The following ZNF578 variants were observed in gnomAD, a reference collection of about 807,000 sequenced individuals.
The protein encoded by ZNF578 is Putative chemokine-related protein B42.
In ZNF578, 8 loss-of-function variants were observed where a neutral mutation model predicts 8.3. The observed-to-expected ratio is 0.96, with a 90% CI of 0.56 to 1.74. ZNF578 has a LOEUF of 1.74. ZNF578 is among the 40% of genes most tolerant of loss of function. The probability of loss-of-function intolerance (pLI) is 0.00; values close to 1 mark genes in which losing one functional copy is unlikely to be tolerated. For missense variants in ZNF578, 726 were observed against 707.5 expected (o/e 1.03, Z -0.30); for synonymous variants, 206 against 232.2 (o/e 0.89, Z 1.03).
Position 52,511,207 on chromosome 19 carries a change from C to T in ZNF578, c.826C>T (p.Arg276Cys), listed in dbSNP as rs529145737. The T allele has an allele frequency of 2.0e-5, 32 of 1,614,190 alleles. 1 individual carries two copies. Among genetic ancestry groups the T allele is most frequent in the South Asian group, 1.4e-4 (13 of 91,084 alleles). Reference sequence around the variant, plus strand: ...CTTTAATGAGAAGCGATACCTTGCACGCCATCGTAGATGTCACACTAGTGA... The same window carrying T: ...CTTTAATGAGAAGCGATACCTTGCATGCCATCGTAGATGTCACACTAGTGA... The part of the protein sequence containing the change: ...KVFNEKRYLA[R>C]HRRCHTSEKP... Residue 276 changes from arginine (R) to cysteine (C), a missense_variant, in exon 6 of 6, where the codon CGC becomes TGC. Arg to Cys is a radical substitution (Grantham distance 180). Coordinates refer to ENST00000421239, the MANE Select transcript of ZNF578 (RefSeq NM_001099694.2).
intron 2 of ZNF578, among the ~76,000 whole-genome samples, chr19:52,480,186 G>A (rs531095730): frequency 5.6e-4 from 85 of 152,278 alleles, no homozygotes; most frequent in African/African-American, 1.9e-3. Context: ...GATTACAGGC[G>A]TGAGCCACCG....
rs1328518624 is a variant in ZNF578 at position 52,515,580 on chromosome 19, T to C, written c.*3426T>C. On this transcript the variant is annotated 3_prime_UTR_variant, in exon 6 of 6. Coordinates refer to ENST00000421239, the MANE Select transcript of ZNF578 (RefSeq NM_001099694.2). Reference sequence around the variant, plus strand: ...ACACCTTCTCACTCATCTCAGACCTTCTCAGGGTAACTTGGTGAAAATGTC... The same window carrying C: ...ACACCTTCTCACTCATCTCAGACCTCCTCAGGGTAACTTGGTGAAAATGTC... Among the ~76,000 whole-genome samples the C allele has an allele frequency of 1.3e-5, 2 of 152,014 alleles. No individual in the cohort carries two copies. Among genetic ancestry groups the C allele is most frequent in the East Asian group, 3.9e-4 (2 of 5,166 alleles).
chr19:52,476,946 C>A (rs1200880879), intron 2 of ZNF578, among the ~76,000 whole-genome samples: 1 of 152,174 alleles, frequency 6.6e-6, no homozygotes. Flanking sequence ...GCTCCCAAAC[C>A]CTTTGTTCCC....
chr19:52,489,503 G>T (rs2122873915), intron 2 of ZNF578, among the ~76,000 whole-genome samples: 1 of 151,946 alleles, frequency 6.6e-6, no homozygotes, highest in Admixed American at 6.6e-5. Context: ...CAGGCTAATT[G>T]CTTGAACCTG....
rs1568468077 is a variant in ZNF578 at position 52,511,224 on chromosome 19, C to T, written c.843C>T (p.His281=). The change falls in exon 6 of 6, where the codon CAC becomes CAT. Residue 281 remains histidine (H), a synonymous_variant. Coordinates refer to ENST00000421239, the MANE Select transcript of ZNF578 (RefSeq NM_001099694.2). Reference sequence around the variant, plus strand: ...ACCTTGCACGCCATCGTAGATGTCACACTAGTGAGAAACCTTACAAGTGTA... The same window carrying T: ...ACCTTGCACGCCATCGTAGATGTCATACTAGTGAGAAACCTTACAAGTGTA... ...KRYLARHRRC[H]TSEKPYKCNE... 6.2e-7 allele frequency: 1 copy of T among 1,614,190 alleles called. No individual in the cohort carries two copies. Among genetic ancestry groups the T allele is most frequent in the Admixed American group, 1.7e-5 (1 of 60,016 alleles).
chr19:52,506,913 G>T (rs2059427545), intron 5 of ZNF578, among the ~76,000 whole-genome samples: 1 of 152,210 alleles, frequency 6.6e-6, no homozygotes, highest in Admixed American at 6.5e-5. Context: ...TGTTGATGAT[G>T]AGATGCCCCT....
intron 1 of ZNF578, chr19:52,453,920 C>T (rs1295224845): frequency 6.6e-6 from 1 of 152,296 alleles, no homozygotes; most frequent in African/African-American, 2.4e-5. Flanking sequence ...GTGGGTCCTC[C>T]AAGCCTCGCC....
In ZNF578 at chr19:52,511,074, C is replaced by T; in HGVS notation, c.693C>T (p.Phe231=). Residue 231 remains phenylalanine, a synonymous_variant, in exon 6 of 6, where the codon TTC becomes TTT. Coordinates refer to ENST00000421239, the MANE Select transcript of ZNF578 (RefSeq NM_001099694.2). The part of the protein sequence containing the change: ...KQEVHMREKS[F]QCNETGEAFN... ...AAGTACACATGAGAGAAAAATCTTT[C>T]CAATGTAATGAGACTGGCGAAGCCT... 3.7e-6 allele frequency: 6 copies of T among 1,614,176 alleles called. No homozygotes were observed. Among genetic ancestry groups the T allele is most frequent in the Non-Finnish European group, 5.1e-6 (6 of 1,180,030 alleles).
Position 52,512,450 on chromosome 19 carries a change from T to G in ZNF578, c.*296T>G. ...TCCGAGTGTAATAAATGTGGCAAAT[T>G]TTTCAGACATCGTTCATACCTTGCA... On this transcript the variant is annotated 3_prime_UTR_variant, in exon 6 of 6. Coordinates refer to ENST00000421239, the MANE Select transcript of ZNF578 (RefSeq NM_001099694.2). The G allele has an allele frequency of 7.3e-7, 1 of 1,372,930 alleles. No homozygotes were observed. Among genetic ancestry groups the G allele is most frequent in the Non-Finnish European group, 1.0e-6 (1 of 972,722 alleles). 85.0% of individuals were successfully genotyped at this position (1,372,930 alleles called of 1,614,324 possible).
At chr19:52,480,609 AATT>A (rs1599893096) in intron 2 of ZNF578, among the ~76,000 whole-genome samples, 1 of 124,088 alleles carries the variant, frequency 8.1e-6, no homozygotes, top group Admixed American at 7.9e-5. Flanking sequence ...AAAAAAAAAA[AATT>A]TTTGGCCGGG....
chr19:52,486,836 A>G (rs2059347480), intron 2 of ZNF578, among the ~76,000 whole-genome samples: 1 of 152,042 alleles, frequency 6.6e-6, no homozygotes, highest in Non-Finnish European at 1.5e-5. Context: ...AGAAGGAGCA[A>G]TAAGAGGTTA....
chr19:52,458,468 T>TCATATATATATA (rs139009068), intron 2 of ZNF578: 1 of 121,752 alleles, frequency 8.2e-6, no homozygotes, highest in South Asian at 2.4e-4. Flanking sequence ...GCTACTATGT[T>TCATATATATATA]TATATATATA....
At chr19:52,458,347 T>C (rs1188843693) in intron 2 of ZNF578, 1 of 151,434 alleles carries the variant, frequency 6.6e-6, no homozygotes, top group Non-Finnish European at 1.5e-5. Flanking sequence ...ATGGGGCATT[T>C]CCTATTTTCT....
intron 2 of ZNF578, chr19:52,457,225 C>T (rs2059242332): frequency 1.3e-5 from 2 of 152,130 alleles, no homozygotes; most frequent in Admixed American, 6.5e-5. Context: ...CCACCCTGTA[C>T]CCTGGGGGGA....
chr19:52,496,475 G>T (rs1004537852), intron 3 of ZNF578, among the ~76,000 whole-genome samples: 4 of 143,432 alleles, frequency 2.8e-5, no homozygotes, highest in African/African-American at 1.0e-4. Context: ...GACTACATGC[G>T]CCCGCCACCG....
Position 52,510,713 on chromosome 19 carries a change from A to G in ZNF578, c.332A>G (p.His111Arg), listed in dbSNP as rs754083032. The G allele has an allele frequency of 6.2e-7, 1 of 1,612,906 alleles. No individual in the cohort carries two copies. The highest frequency in any genetic ancestry group is 1.1e-5 in the South Asian group (1 of 90,852). ...FCFQEIEKDI[H>R]DFEFQSQKDE... ...TTCCAGGAAATTGAAAAAGATATTCATGACTTTGAGTTTCAGTCACAAAAA... is the reference window on the plus strand; with the variant it reads ...TTCCAGGAAATTGAAAAAGATATTCGTGACTTTGAGTTTCAGTCACAAAAA... Residue 111 changes from histidine (H) to arginine (R), a missense_variant, in exon 6 of 6, where the codon CAT becomes CGT. Physicochemically the swap from His to Arg is conservative, Grantham distance 29. Transcript: ENST00000421239.
rs139183421 is a variant in ZNF578, at chr19:52,510,254, C to T, written c.191-318C>T. 7.2e-5 allele frequency among the ~76,000 whole-genome samples: 11 copies of T among 151,762 alleles called. 1 individual carries two copies. In the East Asian group the frequency reaches 2.1e-3, roughly 29 times the overall value. ...TATATTTTTCTCTTCCTTGATGTGACAGTGATATGTTTTTTGCAAACTGTG... is the reference window on the plus strand; with the variant it reads ...TATATTTTTCTCTTCCTTGATGTGATAGTGATATGTTTTTTGCAAACTGTG... On this transcript the variant is annotated intron_variant, in intron 5 of 5. Transcript: ENST00000421239.
chr19:52,505,773 A>T (rs953110469), intron 5 of ZNF578, among the ~76,000 whole-genome samples: 4 of 152,166 alleles, frequency 2.6e-5, no homozygotes, highest in African/African-American at 9.7e-5. Context: ...TTGTAGGGTC[A>T]ACCCTGTAAG....
chr19:52,513,297 C>T lies in ZNF578; in HGVS notation c.*1143C>T, dbSNP rs2059457156. Among the ~76,000 whole-genome samples the T allele has an allele frequency of 6.7e-6, 1 of 149,308 alleles. No homozygotes were observed. Among genetic ancestry groups the T allele is most frequent in the Non-Finnish European group, 1.5e-5 (1 of 67,624 alleles). On this transcript the variant is annotated 3_prime_UTR_variant, in exon 6 of 6. Transcript: ENST00000421239. ...TCAGCCTCCCAAAGTGATGAGATTA[C>T]AGGCATATGCCACCGCGCCTGGCAT...
Sources: allele counts gnomAD v4.1 joint callset (sites outside exome capture counted in the v4.1 genomes callset), GRCh38; gene constraint gnomAD v4.1.1; transcripts MANE v1.5; gene names NCBI Gene and HGNC (gene_info 2026-07-23, HGNC 2026-07-21).